The following USP32 variants were observed in gnomAD, a reference collection of about 807,000 sequenced individuals.
The protein encoded by USP32 is ubiquitin specific peptidase 32.
A neutral mutation model predicts 204.8 loss-of-function variants in USP32; 59 were observed. The observed-to-expected ratio is 0.29, with a 90% confidence interval of 0.23 to 0.36. The LOEUF (loss-of-function observed/expected upper bound fraction) is 0.36. Among genes scored for constraint, USP32 ranks in the 10% least tolerant of loss-of-function variants. USP32 has a pLI of 1.00. For missense variants in USP32, 1,160 were observed against 1,946.4 expected, an observed-to-expected ratio of 0.60 and a Z score of 7.60; for synonymous variants, 517 against 678.4, an observed-to-expected ratio of 0.76 and a Z score of 3.70.
Position 60,416,029 on chromosome 17 carries a change from A to G in USP32, c.106+6217T>C, listed in dbSNP as rs111402906. On this transcript the variant is annotated intron_variant, in intron 1 of 3. Coordinates refer to the USP32 transcript ENST00000588898. ...TAATTTTTGTATTTTTAGTAGAGACAGGGTTTCAGCATGTTGGCCAGAATG... is the reference window on the plus strand; with the variant it reads ...TAATTTTTGTATTTTTAGTAGAGACGGGGTTTCAGCATGTTGGCCAGAATG... Among the ~76,000 whole-genome samples the G allele has an allele frequency of 9.7e-4, 148 of 152,132 alleles. 1 individual carries two copies. Among genetic ancestry groups the G allele is most frequent in the African/African-American group, 3.3e-3 (136 of 41,518 alleles).
At chr17:60,257,004 A>G in intron 9 of USP32, 1 of 260,634 alleles carries the variant, frequency 3.8e-6, no homozygotes, top group Non-Finnish European at 7.7e-6. Flanking sequence ...AATAATGAAG[A>G]ACTACAGAAG....
At position 60,392,031 on chromosome 17, in the gene USP32, G is replaced by A. The variant is rs1217527263; in HGVS notation, c.-92C>T. The A allele has an allele frequency of 4.2e-6, 6 of 1,425,000 alleles. No individual in the cohort carries two copies. The African/African-American group carries it at 4.5e-5, about 11-fold the overall frequency. The allele number at this position is 1,425,000 out of a possible 1,614,324, so 88.3% of individuals were successfully genotyped here. A position where few individuals can be genotyped will look rare whatever the true frequency, so the allele number is the denominator to read the frequency against. Reference sequence around the variant, plus strand: ...CTCGGCGTCCCTGGGTGACGGTGACGGTGTCGGCGTCCCCCGCCCCCACCT... The same window carrying A: ...CTCGGCGTCCCTGGGTGACGGTGACAGTGTCGGCGTCCCCCGCCCCCACCT... On this transcript the variant is annotated 5_prime_UTR_variant, in exon 1 of 34. Transcript: ENST00000300896.
chr17:60,294,310 C>G (rs2087367747), intron 4 of USP32, among the ~76,000 whole-genome samples: 1 of 151,882 alleles, frequency 6.6e-6, no homozygotes, highest in African/African-American at 2.4e-5. Context: ...TGGCTCAAGG[C>G]TAATGAATGA....
intron 2 of USP32, among the ~76,000 whole-genome samples, chr17:60,342,964 G>A (rs2088695938): frequency 6.6e-6 from 1 of 152,168 alleles, no homozygotes; most frequent in Non-Finnish European, 1.5e-5. Flanking sequence ...AGATGAACCA[G>A]GTACCTCAGT....
At chr17:60,404,898 G>A (rs562704234) in intron 1 of USP32, among the ~76,000 whole-genome samples, 1 of 152,198 alleles carries the variant, frequency 6.6e-6, no homozygotes, top group South Asian at 2.1e-4. Flanking sequence ...CTGTTTGGGT[G>A]GGTGCGATGA....
chr17:60,402,196 G>T (rs1444990174), intron 1 of USP32, among the ~76,000 whole-genome samples: 1 of 151,142 alleles, frequency 6.6e-6, no homozygotes, highest in Non-Finnish European at 1.5e-5. Context: ...GAGAAAGCCT[G>T]GTAGGGGAAC....
At chr17:60,265,139 A>G (rs1348240572) in intron 9 of USP32, among the ~76,000 whole-genome samples, 1 of 152,248 alleles carries the variant, frequency 6.6e-6, no homozygotes, top group East Asian at 1.9e-4. Context: ...TGGAAGAAAT[A>G]CAGATGATAG....
intron 12 of USP32, among the ~76,000 whole-genome samples, chr17:60,234,701 G>A (rs1463078982): frequency 4.6e-5 from 7 of 151,826 alleles, no homozygotes; most frequent in African/African-American, 1.2e-4. Flanking sequence ...CTGCACTCCA[G>A]CCTGGGCGAC....
rs1307709296 is a variant in USP32, at chr17:60,303,801, G to A, written c.187-2097C>T. On this transcript the variant is annotated intron_variant, in intron 2 of 33. Transcript: ENST00000300896. The stretch of plus-strand genomic sequence containing the variant: ...GCTAATGGAGTTTGAAGAATGCTTT[G>A]GAATGGCTCAAGAATAAACTCAACA... 2.6e-5 allele frequency among the ~76,000 whole-genome samples: 4 copies of A among 152,138 alleles called. No individual in the cohort carries two copies. In the East Asian group the frequency reaches 5.8e-4, roughly 22 times the overall value.
chr17:60,327,345 A>T (rs1259982757), intron 2 of USP32, among the ~76,000 whole-genome samples: 1 of 132,214 alleles, frequency 7.6e-6, no homozygotes, highest in Non-Finnish European at 1.6e-5. Context: ...CAATAGTGGC[A>T]GTGGGTCCCC....
At chr17:60,373,574 T>C (rs1181154712) in intron 1 of USP32, among the ~76,000 whole-genome samples, 1 of 151,620 alleles carries the variant, frequency 6.6e-6, no homozygotes, top group African/African-American at 2.4e-5. Context: ...CTCAGCCTCC[T>C]GAGTAGCTAG....
chr17:60,308,515 A>G (rs1372869404), intron 2 of USP32, among the ~76,000 whole-genome samples: 2 of 152,278 alleles, frequency 1.3e-5, no homozygotes, highest in African/African-American at 4.8e-5. Context: ...GAACCCAGAT[A>G]TAAATCCAAA....
chr17:60,352,242 G>T (rs916143376), intron 1 of USP32, among the ~76,000 whole-genome samples: 1 of 152,258 alleles, frequency 6.6e-6, no homozygotes, highest in Non-Finnish European at 1.5e-5. Flanking sequence ...TTCTTAAAAG[G>T]TAACAGCTGG....
At chr17:60,231,387 C>T (rs778160210) in intron 12 of USP32, 2 of 307,736 alleles carry the variant, frequency 6.5e-6, no homozygotes, top group Non-Finnish European at 1.4e-5. Flanking sequence ...CTCTAGAGTG[C>T]TAGATAAAGT....
chr17:60,294,217 A>C (rs2087365076), intron 4 of USP32, among the ~76,000 whole-genome samples: 1 of 152,130 alleles, frequency 6.6e-6, no homozygotes. Flanking sequence ...AAAGATGACA[A>C]TTTTTTAACA....
chr17:60,205,262 C>T (rs2084793727), intron 26 of USP32, among the ~76,000 whole-genome samples, 185 bp downstream of exon 26: 1 of 152,040 alleles, frequency 6.6e-6, no homozygotes, highest in Non-Finnish European at 1.5e-5. Flanking sequence ...AATGCATTCA[C>T]AGCAACAGAT....
chr17:60,372,365 A>T (rs965206569), intron 1 of USP32, among the ~76,000 whole-genome samples: 3 of 152,154 alleles, frequency 2.0e-5, no homozygotes, highest in East Asian at 3.9e-4. Context: ...GCTTACACAA[A>T]CTTAGATGGT....
intron 7 of USP32, among the ~76,000 whole-genome samples, chr17:60,267,288 T>C (rs948828913): frequency 4.0e-5 from 6 of 151,614 alleles, no homozygotes; most frequent in Admixed American, 3.9e-4. Flanking sequence ...GCGCCTGTAA[T>C]CTCAGCTACT....
intron 3 of USP32, among the ~76,000 whole-genome samples, chr17:60,297,510 G>A (rs929628320): frequency 6.6e-5 from 10 of 151,078 alleles, no homozygotes; most frequent in African/African-American, 2.0e-4. Context: ...GTGCAGTGGC[G>A]CAATCTCGGC....
Sources: gnomAD v4.1 joint callset for allele counts (sites outside exome capture counted in the v4.1 genomes callset) on GRCh38, gnomAD v4.1.1 for gene constraint, MANE v1.5 for transcripts, NCBI Gene and HGNC (gene_info 2026-07-23, HGNC 2026-07-21) for gene names.